CATSPERT: variants seen among roughly 807,000 people sequenced by gnomAD.
The protein encoded by CATSPERT is catsper channel auxiliary subunit tau.
the CATSPERT span, among the ~76,000 whole-genome samples, chr2:201,585,926 G>GCCTGCCTCT: frequency 6.6e-6 from 1 of 152,024 alleles, no homozygotes; most frequent in African/African-American, 2.4e-5. Context: ...GACCCAATGT[G>GCCTGCCTCT]CCTGCCTCTC....
At chr2:201,566,099 G>A in the CATSPERT span, among the ~76,000 whole-genome samples, 1 of 152,044 alleles carries the variant, frequency 6.6e-6, no homozygotes, top group Non-Finnish European at 1.5e-5. Flanking sequence ...CAGCAGGGAT[G>A]GAAAAGGACA....
the CATSPERT span, among the ~76,000 whole-genome samples, chr2:201,521,694 CA>C: frequency 6.8e-4 from 103 of 151,962 alleles, no homozygotes; most frequent in African/African-American, 2.3e-3. Flanking sequence ...AATGACACAA[CA>C]AAAAAAGAAA....
At chr2:201,527,143 C>T in the CATSPERT span, among the ~76,000 whole-genome samples, 1 of 107,994 alleles carries the variant, frequency 9.3e-6, no homozygotes, top group Non-Finnish European at 2.1e-5. Context: ...AAATCAAGAA[C>T]ACAATCCCAT....
the CATSPERT span, among the ~76,000 whole-genome samples, chr2:201,510,641 A>T: frequency 6.6e-6 from 1 of 152,210 alleles, no homozygotes; most frequent in South Asian, 2.1e-4. Flanking sequence ...GGAAAAGGTA[A>T]TAAATTGCAT....
At chr2:201,493,937 C>T in the CATSPERT span, 2 of 1,537,052 alleles carry the variant, frequency 1.3e-6, no homozygotes, top group Non-Finnish European at 1.7e-6. Context: ...AATGAATCTG[C>T]AGGAATATTT....
At chr2:201,527,637 C>T in the CATSPERT span, among the ~76,000 whole-genome samples, 2 of 151,846 alleles carry the variant, frequency 1.3e-5, no homozygotes, top group Non-Finnish European at 2.9e-5. Context: ...TTGACAAAGT[C>T]GACAATAACA....
At chr2:201,565,459 G>A in the CATSPERT span, among the ~76,000 whole-genome samples, 1 of 152,078 alleles carries the variant, frequency 6.6e-6, no homozygotes, top group African/African-American at 2.4e-5. Context: ...GGCCAAGCTG[G>A]GTGACAGAGT....
chr2:201,618,259 CAT>C, the CATSPERT span, among the ~76,000 whole-genome samples: 1 of 152,140 alleles, frequency 6.6e-6, no homozygotes, highest in Non-Finnish European at 1.5e-5. Context: ...CACGTGCACA[CAT>C]ATGTTTATTA....
the CATSPERT span, among the ~76,000 whole-genome samples, chr2:201,515,166 T>C: frequency 4.7e-5 from 7 of 150,206 alleles, no homozygotes; most frequent in Admixed American, 4.0e-4. Context: ...TTTTCTTTGA[T>C]TGCCAAAGGA....
At chr2:201,511,732 A>G in the CATSPERT span, 1 of 151,532 alleles carries the variant, frequency 6.6e-6, no homozygotes, top group Non-Finnish European at 1.5e-5. Flanking sequence ...TGTCACCTGA[A>G]TCAGCTATGA....
At chr2:201,602,250 C>T in the CATSPERT span, among the ~76,000 whole-genome samples, 1 of 152,050 alleles carries the variant, frequency 6.6e-6, no homozygotes, top group South Asian at 2.1e-4. Context: ...TCAGATTAAC[C>T]TATTTTTAAT....
At chr2:201,493,501 A>G in the CATSPERT span, 2 of 1,536,946 alleles carry the variant, frequency 1.3e-6, no homozygotes, top group African/African-American at 1.4e-5. Flanking sequence ...ATCTAATTCT[A>G]TCACTTTGAT....
chr2:201,597,527 G>A, the CATSPERT span, among the ~76,000 whole-genome samples: 13 of 151,908 alleles, frequency 8.6e-5, no homozygotes, highest in South Asian at 1.9e-3. Flanking sequence ...CTTCCTCCAC[G>A]CACCAAGACC....
chr2:201,539,270 T>C, the CATSPERT span, among the ~76,000 whole-genome samples: 1 of 152,196 alleles, frequency 6.6e-6, no homozygotes, highest in Non-Finnish European at 1.5e-5. Context: ...TGAACTAATT[T>C]ACACTCCCAC....
chr2:201,520,409 T>C, the CATSPERT span, among the ~76,000 whole-genome samples: 11 of 152,228 alleles, frequency 7.2e-5, no homozygotes, highest in Admixed American at 6.5e-4. Context: ...GGAATGACCA[T>C]ATGTTAGGAC....
the CATSPERT span, chr2:201,495,807 G>C: frequency 8.6e-6 from 7 of 809,892 alleles, no homozygotes; most frequent in East Asian, 2.3e-4. Flanking sequence ...TTTCTAATGA[G>C]TAGCTTTTTA....
chr2:201,533,225 A>C, the CATSPERT span, among the ~76,000 whole-genome samples: 4 of 152,248 alleles, frequency 2.6e-5, no homozygotes, highest in African/African-American at 9.6e-5. Flanking sequence ...GTTTAGAAAG[A>C]AAAGACACAT....
chr2:201,581,548 GTATATATATATATA>G, the CATSPERT span, among the ~76,000 whole-genome samples: 76 of 9,652 alleles, frequency 7.9e-3, 3 homozygotes, highest in African/African-American at 0.027. Flanking sequence ...AAAAATGTGT[GTATATATATATATA>G]TATATATATA....
the CATSPERT span, among the ~76,000 whole-genome samples, chr2:201,563,809 G>T: frequency 2.0e-5 from 3 of 152,158 alleles, no homozygotes; most frequent in African/African-American, 7.2e-5. Context: ...ACAAAACACT[G>T]TCTAAATCGT....
Sources: gnomAD v4.1 joint callset for allele counts (sites outside exome capture counted in the v4.1 genomes callset) on GRCh38, gnomAD v4.1.1 for gene constraint, MANE v1.5 for transcripts, NCBI Gene and HGNC (gene_info 2026-07-23, HGNC 2026-07-21) for gene names.